CCDC6: variants seen among roughly 807,000 people sequenced by gnomAD.
CCDC6 encodes the protein coiled-coil domain containing 6.
Under a neutral mutation model 56.6 loss-of-function variants are expected in CCDC6, and 20 were observed. The observed-to-expected ratio is 0.35, with a 90% CI of 0.25 to 0.51. The LOEUF (loss-of-function observed/expected upper bound fraction) is 0.51. CCDC6 is among the 20% of genes least tolerant of loss of function. The pLI, the probability that CCDC6 is intolerant of heterozygous loss-of-function variation, is 0.95. For synonymous variants in CCDC6, 241 were observed against 234.4 expected, an observed-to-expected ratio of 1.03 and a Z score of -0.26; for missense variants, 367 against 601.1, an observed-to-expected ratio of 0.61 and a Z score of 4.07.
At chr10:59,828,860 C>T (rs912069877) in intron 3 of CCDC6, among the ~76,000 whole-genome samples, 2 of 152,210 alleles carry the variant, frequency 1.3e-5, no homozygotes, top group African/African-American at 2.4e-5. Context: ...GATTTTCCCA[C>T]TGTCTCATGT....
At chr10:59,863,500 G>C (rs536517695) in intron 1 of CCDC6, among the ~76,000 whole-genome samples, 1 of 152,106 alleles carries the variant, frequency 6.6e-6, no homozygotes, top group African/African-American at 2.4e-5. Flanking sequence ...AAAATGCCCA[G>C]AATGGGCATA....
intron 1 of CCDC6, among the ~76,000 whole-genome samples, chr10:59,856,585 G>T (rs1349319542): frequency 1.3e-5 from 2 of 151,958 alleles, no homozygotes; most frequent in Non-Finnish European, 2.9e-5. Flanking sequence ...CCTTTCCAAG[G>T]TATTTCCCCA....
intron 1 of CCDC6, among the ~76,000 whole-genome samples, chr10:59,893,332 C>T (rs1425073900): frequency 6.6e-6 from 1 of 151,980 alleles, no homozygotes; most frequent in Non-Finnish European, 1.5e-5. Flanking sequence ...GGTATGGTGG[C>T]TTATGCCTAT....
intron 1 of CCDC6, among the ~76,000 whole-genome samples, chr10:59,874,065 G>A (rs987478134): frequency 6.6e-6 from 1 of 151,472 alleles, no homozygotes; most frequent in Non-Finnish European, 1.5e-5. Flanking sequence ...GTGAAAGAAT[G>A]GTGAAGCATG....
chr10:59,852,716 A>T lies in CCDC6; in HGVS notation c.304-14T>A. ...AGCCCTGGCTTGCTGTTTAAAAAAAAAAAAGGAAAGAACAAAACAAAACAC... is the reference window on the plus strand; with the variant it reads ...AGCCCTGGCTTGCTGTTTAAAAAAATAAAAGGAAAGAACAAAACAAAACAC... On this transcript the variant is annotated splice_polypyrimidine_tract_variant and intron_variant, in intron 1 of 8. Coordinates refer to ENST00000263102, the MANE Select transcript of CCDC6 (RefSeq NM_005436.5). The T allele has an allele frequency of 6.5e-7, 1 of 1,530,682 alleles. No individual in the cohort carries two copies. The highest frequency in any genetic ancestry group is 8.7e-7 in the Non-Finnish European group (1 of 1,148,576). 94.8% of individuals were successfully genotyped at this position (1,530,682 alleles called of 1,614,324 possible).
At chr10:59,865,418 C>T (rs757193150) in intron 1 of CCDC6, among the ~76,000 whole-genome samples, 4 of 152,128 alleles carry the variant, frequency 2.6e-5, no homozygotes, top group Non-Finnish European at 4.4e-5. Context: ...CACCCTTTCC[C>T]GGCAAGGTGC....
At position 59,885,917 on chromosome 10, in the gene CCDC6, CCCCCG is replaced by C. The variant is rs1364101804; in HGVS notation, c.303+20200_303+20204del. 1.3e-3 allele frequency among the ~76,000 whole-genome samples: 74 copies of C among 56,404 alleles called. 4 individuals are homozygous for C. The highest frequency in any genetic ancestry group is 3.8e-3 in the African/African-American group (55 of 14,460). 37.0% of individuals were successfully genotyped at this position (56,404 alleles called of 152,430 possible). A position where few individuals can be genotyped will look rare whatever the true frequency, so the allele number is the denominator to read the frequency against. ...GTCTGATGTCTATTTCCAACCCCGC[CCCCCG>C]CCCCCCCAACTAGAATATCAGCTGC... On this transcript the variant is annotated intron_variant, in intron 1 of 8. Transcript: ENST00000263102.
chr10:59,792,694 A>G lies in CCDC6; in HGVS notation c.*223T>C. On this transcript the variant is annotated 3_prime_UTR_variant, in exon 9 of 9. Transcript: ENST00000263102. ...AGCCAGGGAATGGACGTACATGAAG[A>G]TTCAAGTAAAACACTGATGGAAAAA... The G allele has an allele frequency of 1.3e-6, 1 of 758,852 alleles. No individual in the cohort carries two copies. Among genetic ancestry groups the G allele is most frequent in the Non-Finnish European group, 2.4e-6 (1 of 414,542 alleles). 47.0% of individuals were successfully genotyped at this position (758,852 alleles called of 1,614,324 possible).
intron 1 of CCDC6, among the ~76,000 whole-genome samples, chr10:59,886,273 G>A (rs543641785): frequency 3.3e-5 from 5 of 152,200 alleles, no homozygotes; most frequent in Non-Finnish European, 7.3e-5. Context: ...GCTTCTGGAG[G>A]AAGAAGGAGG....
In CCDC6 at chr10:59,876,073, C is replaced by CTT. The variant is rs1172379933; in HGVS notation, c.304-23373_304-23372dup. ...CATACACGAGTGCATGCACAGATGT[C>CTT]TTTTTTTTTTTTTTTTTTCAGATCG... On this transcript the variant is annotated intron_variant, in intron 1 of 8. Transcript: ENST00000263102. Among the ~76,000 whole-genome samples the CTT allele has an allele frequency of 4.9e-4, 48 of 97,534 alleles. 4 individuals are homozygous for CTT. The highest frequency in any genetic ancestry group is 1.0e-3 in the South Asian group (3 of 2,994). The allele number at this position is 97,534 out of a possible 152,430, so 64.0% of individuals were successfully genotyped here. A position where few individuals can be genotyped will look rare whatever the true frequency, so the allele number is the denominator to read the frequency against.
chr10:59,854,582 T>C (rs1324023221), intron 1 of CCDC6, among the ~76,000 whole-genome samples: 1 of 152,190 alleles, frequency 6.6e-6, no homozygotes, highest in Non-Finnish European at 1.5e-5. Context: ...AGTGGTTCCC[T>C]TACATACCTC....
At chr10:59,817,681 A>G (rs2070719205) in intron 3 of CCDC6, among the ~76,000 whole-genome samples, 1 of 152,178 alleles carries the variant, frequency 6.6e-6, no homozygotes, top group South Asian at 2.1e-4. Flanking sequence ...ATACTAATCA[A>G]TAACTCTGAG....
chr10:59,893,198 CG>C (rs928276358), intron 1 of CCDC6, among the ~76,000 whole-genome samples: 6 of 152,040 alleles, frequency 3.9e-5, no homozygotes, highest in Admixed American at 3.9e-4. Context: ...TTACTTTTTG[CG>C]GGGGGAGGGA....
intron 3 of CCDC6, among the ~76,000 whole-genome samples, chr10:59,822,280 CAAT>C (rs947485700): frequency 6.6e-6 from 1 of 152,102 alleles, no homozygotes; most frequent in Non-Finnish European, 1.5e-5. Flanking sequence ...CTTATCAGTT[CAAT>C]AAATTTTGCT....
chr10:59,862,659 A>G (rs1309187686), intron 1 of CCDC6, among the ~76,000 whole-genome samples: 1 of 151,844 alleles, frequency 6.6e-6, no homozygotes, highest in Non-Finnish European at 1.5e-5. Context: ...ATAAATTATT[A>G]GAAGTTCATA....
intron 7 of CCDC6, among the ~76,000 whole-genome samples, chr10:59,797,730 A>G (rs2070536050): frequency 6.7e-6 from 1 of 149,938 alleles, no homozygotes; most frequent in African/African-American, 2.5e-5. Context: ...AACAGCAAAC[A>G]AAACCACTGG....
chr10:59,850,189 G>A (rs12217673), intron 2 of CCDC6, among the ~76,000 whole-genome samples: 2 of 152,130 alleles, frequency 1.3e-5, no homozygotes, highest in Admixed American at 6.5e-5. Flanking sequence ...ACCTAAAGAC[G>A]AGGGGAAGAG....
intron 2 of CCDC6, among the ~76,000 whole-genome samples, chr10:59,835,602 G>GT (rs904548158): frequency 6.6e-6 from 1 of 152,184 alleles, no homozygotes; most frequent in Non-Finnish European, 1.5e-5. Flanking sequence ...AAGATTCACA[G>GT]TTTTTATCAT....
chr10:59,813,185 G>C (rs993468754), intron 4 of CCDC6, among the ~76,000 whole-genome samples: 1 of 152,068 alleles, frequency 6.6e-6, no homozygotes, highest in African/African-American at 2.4e-5. Context: ...ATTTTCTTAC[G>C]GCTTTTGATT....
Sources: gnomAD v4.1 joint callset for allele counts (sites outside exome capture counted in the v4.1 genomes callset) on GRCh38, gnomAD v4.1.1 for gene constraint, MANE v1.5 for transcripts, NCBI Gene and HGNC (gene_info 2026-07-23, HGNC 2026-07-21) for gene names.